The following CATSPERG variants were observed in gnomAD, a reference collection of about 807,000 sequenced individuals.
CATSPERG encodes the protein catsper channel auxiliary subunit gamma.
Under a neutral mutation model 145.0 loss-of-function variants are expected in CATSPERG, and 115 were observed. That is an observed-to-expected ratio of 0.79 (90% CI 0.68 to 0.93). The LOEUF (loss-of-function observed/expected upper bound fraction) is 0.93. CATSPERG is among the 40% of genes least tolerant of loss of function. The probability of loss-of-function intolerance (pLI) is 0.00; values close to 1 mark genes in which losing one functional copy is unlikely to be tolerated. For missense variants in CATSPERG, 1,296 were observed against 1,490.1 expected (o/e 0.87, Z 2.14); for synonymous variants, 588 against 589.0 (o/e 1.00, Z 0.02).
chr19:38,355,903 C>T (rs777931759), intron 9 of CATSPERG, among the ~76,000 whole-genome samples: 4 of 152,142 alleles, frequency 2.6e-5, no homozygotes, highest in Admixed American at 1.3e-4. Context: ...ATCACACCTT[C>T]GCTGTGTGCC....
At chr19:38,352,531 T>C (rs986298762) in intron 8 of CATSPERG, 99 bp downstream of exon 8, 15 of 1,246,260 alleles carry the variant, frequency 1.2e-5, no homozygotes, top group African/African-American at 1.5e-5. Flanking sequence ...GGTGAGGCAT[T>C]GGGGAAGGAA....
chr19:38,358,193 G>T, intron 11 of CATSPERG, 85 bp from the exon 12 acceptor site: 1 of 1,371,260 alleles, frequency 7.3e-7, no homozygotes, highest in Non-Finnish European at 1.0e-6. Context: ...TTTACAGGAG[G>T]CTGAGAAGCA....
At chr19:38,358,174 T>G in intron 11 of CATSPERG, 104 bp from the exon 12 acceptor site, 1 of 1,118,754 alleles carries the variant, frequency 8.9e-7, no homozygotes, top group Non-Finnish European at 1.3e-6. Flanking sequence ...GGGAAGCTCT[T>G]TGGAGGGTTT....
chr19:38,352,146 G>A, intron 7 of CATSPERG, 115 bp from the exon 8 acceptor site: 2 of 1,028,528 alleles, frequency 1.9e-6, no homozygotes, highest in Non-Finnish European at 2.8e-6. Context: ...GCGCCCTGGG[G>A]CAGCTACATG....
In CATSPERG at chr19:38,337,171, G is replaced by A. The variant is rs117883165; in HGVS notation, c.-14-50G>A. ...GAAGCGAGGTGGAATCTTAAAAGTG[G>A]GCTCCAGAGAGCTGTCCGGCGCGTG... On this transcript the variant is annotated intron_variant, in intron 1 of 28. Transcript: ENST00000409235. 2.2e-3 allele frequency: 3,404 copies of A among 1,532,032 alleles called. 82 individuals are homozygous for A. In the East Asian group the frequency reaches 0.059, roughly 27 times the overall value. The allele number at this position is 1,532,032 out of a possible 1,614,324, so 94.9% of individuals were successfully genotyped here. A position where few individuals can be genotyped will look rare whatever the true frequency, so the allele number is the denominator to read the frequency against.
intron 3 of CATSPERG, 34 bp downstream of exon 3, chr19:38,337,680 T>C: frequency 6.5e-7 from 1 of 1,529,432 alleles, no homozygotes. Context: ...GCTCATTCTA[T>C]GAGCCTTGGT....
At chr19:38,344,768 TGTACATACATATATA>T (rs1970001762) in intron 6 of CATSPERG, among the ~76,000 whole-genome samples, 1 of 127,124 alleles carries the variant, frequency 7.9e-6, no homozygotes, top group African/African-American at 2.7e-5. Flanking sequence ...AGTACATACC[TGTACATACATATATA>T]GTACATACCT....
chr19:38,337,187 C>G (rs1409401961), intron 1 of CATSPERG, 34 bp from the exon 2 acceptor site: 3 of 1,541,568 alleles, frequency 1.9e-6, no homozygotes, highest in African/African-American at 1.4e-5. Context: ...AGAGAGCTGT[C>G]CGGCGCGTGG....
chr19:38,336,004 CGTGGGAG>C, intron 1 of CATSPERG, 129 bp downstream of exon 1: 1 of 279,932 alleles, frequency 3.6e-6, no homozygotes, highest in Non-Finnish European at 7.1e-6. Context: ...GGGGAAGAGT[CGTGGGAG>C]CTGGGAGAGG....
At chr19:38,343,366 ACTCC>A (rs1835524294) in intron 3 of CATSPERG, among the ~76,000 whole-genome samples, 1 of 151,116 alleles carries the variant, frequency 6.6e-6, no homozygotes, top group Admixed American at 6.6e-5. Flanking sequence ...AAGGCCTCCG[ACTCC>A]CTCCACAGCC....
At position 38,360,721 on chromosome 19, in the gene CATSPERG, C is replaced by G. The variant is rs751426772; in HGVS notation, c.1768-10C>G. The G allele has an allele frequency of 8.7e-6, 14 of 1,613,898 alleles. No homozygotes were observed. The highest frequency in any genetic ancestry group is 3.3e-5 in the Admixed American group (2 of 60,004). On this transcript the variant is annotated splice_polypyrimidine_tract_variant and intron_variant, in intron 15 of 28. Transcript: ENST00000409235. The stretch of plus-strand genomic sequence containing the variant: ...ACCCCAGCTCACCTGGCCCTGCCTT[C>G]CCCCTGCAGCTGGTGTACCTTATGA...
chr19:38,339,043 C>T (rs1203174526), intron 3 of CATSPERG, among the ~76,000 whole-genome samples: 1 of 152,084 alleles, frequency 6.6e-6, no homozygotes, highest in East Asian at 1.9e-4. Flanking sequence ...AGGGCCATTG[C>T]TAGTGTATGG....
intron 1 of CATSPERG, 119 bp from the exon 2 acceptor site, chr19:38,337,102 C>T (rs1159921672): frequency 7.9e-7 from 1 of 1,267,918 alleles, no homozygotes; most frequent in Non-Finnish European, 1.1e-6. Context: ...GGGCCAGGAG[C>T]AAGAGCCGGG....
At position 38,367,227 on chromosome 19, in the gene CATSPERG, G is replaced by T. The variant is rs561919443; in HGVS notation, c.2685G>T (p.Thr895=). The change falls in exon 23 of 29, where the codon ACG becomes ACT. Residue 895 remains threonine, a synonymous_variant. Coordinates refer to ENST00000409235, the MANE Select transcript of CATSPERG (RefSeq NM_021185.5). ...GKRLAFDITY[T]LEYSRLKNKH... ...GCCTGGCCTTCGACATCACCTACAC[G>T]CTGGAATACAGCCGCCTGAAGAACA... is the stretch of plus-strand genomic sequence containing the variant. The T allele has an allele frequency of 5.0e-6, 8 of 1,613,822 alleles. No individual in the cohort carries two copies. The South Asian group carries it at 5.5e-5, about 11-fold the overall frequency.
At position 38,343,745 on chromosome 19, in the gene CATSPERG, AGGGATCGCAACCTGGCAGGG is replaced by A. The variant is rs765797199; in HGVS notation, c.469+23_469+42del. The A allele has an allele frequency of 9.6e-5, 117 of 1,217,946 alleles. No individual in the cohort carries two copies. The African/African-American group carries it at 1.7e-3, about 18-fold the overall frequency. 75.4% of individuals were successfully genotyped at this position (1,217,946 alleles called of 1,614,324 possible). On this transcript the variant is annotated intron_variant, in intron 4 of 28. Coordinates refer to ENST00000409235, the MANE Select transcript of CATSPERG (RefSeq NM_021185.5). ...CAAAGGTGGGCCTGGGGGAGGCGGG[AGGGATCGCAACCTGGCAGGG>A]GTGTGGGGTTTGCTGGGGGCCTCTG... is the stretch of plus-strand genomic sequence containing the variant.
At chr19:38,367,976 A>G in intron 25 of CATSPERG, 72 bp from the exon 26 acceptor site, 1 of 1,425,056 alleles carries the variant, frequency 7.0e-7, no homozygotes, top group Non-Finnish European at 9.9e-7. Flanking sequence ...CTCCCTCCAC[A>G]CTGACCACTG....
chr19:38,341,838 G>A (rs1023012445), intron 3 of CATSPERG, among the ~76,000 whole-genome samples: 15 of 152,148 alleles, frequency 9.9e-5, no homozygotes, highest in African/African-American at 3.4e-4. Flanking sequence ...GGAGGCAGAG[G>A]GTGCAATGAG....
At chr19:38,352,579 T>C (rs985659834) in intron 8 of CATSPERG, 147 bp downstream of exon 8, 1 of 699,296 alleles carries the variant, frequency 1.4e-6, no homozygotes, top group Non-Finnish European at 2.4e-6. Context: ...CCACCCCGAA[T>C]GGGCCTTGCC....
chr19:38,369,029 C>T (rs1970502675), intron 26 of CATSPERG, among the ~76,000 whole-genome samples: 1 of 151,834 alleles, frequency 6.6e-6, no homozygotes, highest in Non-Finnish European at 1.5e-5. Flanking sequence ...GTTAACATAG[C>T]ATGTATTGAA....
Sources: gnomAD v4.1 joint callset for allele counts (sites outside exome capture counted in the v4.1 genomes callset) on GRCh38, gnomAD v4.1.1 for gene constraint, MANE v1.5 for transcripts, NCBI Gene and HGNC (gene_info 2026-07-23, HGNC 2026-07-21) for gene names.